SHC3: variants seen among roughly 807,000 people sequenced by gnomAD.
SHC3 encodes SHC adaptor protein 3.
SHC3 carries 15 observed loss-of-function variants against 60.4 expected under a neutral mutation model. The observed-to-expected ratio is 0.25, with a 90% CI of 0.17 to 0.38. SHC3 has a LOEUF of 0.38. Ranked by LOEUF, SHC3 falls within the 10% of genes least tolerant of loss-of-function variation. The probability of loss-of-function intolerance (pLI) is 1.00; values close to 1 mark genes in which losing one functional copy is unlikely to be tolerated. For synonymous variants in SHC3, 294 were observed against 325.9 expected (o/e 0.90, Z 1.05); for missense variants, 677 against 786.1 (o/e 0.86, Z 1.66).
chr9:89,065,149 G>C (rs1201915025), intron 6 of SHC3, among the ~76,000 whole-genome samples: 1 of 152,196 alleles, frequency 6.6e-6, no homozygotes, highest in Non-Finnish European at 1.5e-5. Flanking sequence ...TGGCAGGGCA[G>C]AGTGAAGTAG....
In SHC3 at chr9:89,006,910, T is replaced by C. The variant is rs1018400141; in HGVS notation, c.*6537A>G. 6.6e-6 allele frequency: 1 copy of C among 152,244 alleles called. No homozygotes were observed. The highest frequency in any genetic ancestry group is 2.4e-5 in the African/African-American group (1 of 41,466). 9.4% of individuals were successfully genotyped at this position (152,244 alleles called of 1,614,324 possible). On this transcript the variant is annotated 3_prime_UTR_variant, in exon 12 of 12. Transcript: ENST00000375835. ...TTTTGATGGTTAGAAACTTTGGTTA[T>C]GGTAAAAATGATCACATGAGTGGGA...
At chr9:89,170,235 G>T (rs1826849977) in intron 1 of SHC3, among the ~76,000 whole-genome samples, 1 of 152,246 alleles carries the variant, frequency 6.6e-6, no homozygotes, top group East Asian at 1.9e-4. Context: ...AATGTGCCTG[G>T]CATGGGCCAA....
At chr9:89,117,772 T>C (rs1318209001) in intron 1 of SHC3, among the ~76,000 whole-genome samples, 1 of 152,158 alleles carries the variant, frequency 6.6e-6, no homozygotes, top group East Asian at 1.9e-4. Flanking sequence ...TGCATTCATT[T>C]ATTTGTTTTA....
chr9:89,175,542 C>T (rs1019562128), intron 1 of SHC3, among the ~76,000 whole-genome samples: 1 of 152,186 alleles, frequency 6.6e-6, no homozygotes, highest in Non-Finnish European at 1.5e-5. Flanking sequence ...TTCATATGTG[C>T]AATATCCTAA....
chr9:89,171,102 T>G (rs35070559), intron 1 of SHC3, among the ~76,000 whole-genome samples: 1 of 152,174 alleles, frequency 6.6e-6, no homozygotes, highest in African/African-American at 2.4e-5. Context: ...TTTCATCATT[T>G]TATCTTAAGA....
At chr9:89,069,870 C>T (rs1448502405) in intron 5 of SHC3, among the ~76,000 whole-genome samples, 2 of 152,248 alleles carry the variant, frequency 1.3e-5, no homozygotes, top group Non-Finnish European at 2.9e-5. Flanking sequence ...TTTGACATTG[C>T]TCCTTCAATT....
chr9:89,127,039 C>G lies in SHC3; in HGVS notation c.475-14413G>C, dbSNP rs148949085. ...TGTCTTAAGCAGTTAAAAGCCTTTGCAAGCTCAAAATTCACCACTTTAGAC... is the reference window on the plus strand; with the variant it reads ...TGTCTTAAGCAGTTAAAAGCCTTTGGAAGCTCAAAATTCACCACTTTAGAC... On this transcript the variant is annotated intron_variant, in intron 1 of 11. Transcript: ENST00000375835. 4.1e-3 allele frequency among the ~76,000 whole-genome samples: 621 copies of G among 152,300 alleles called. 1 individual carries two copies. Among genetic ancestry groups the G allele is most frequent in the African/African-American group, 0.014 (579 of 41,576 alleles).
At chr9:89,071,653 C>T (rs1225684990) in intron 4 of SHC3, among the ~76,000 whole-genome samples, 7 of 152,204 alleles carry the variant, frequency 4.6e-5, no homozygotes. Flanking sequence ...AAGACTCCAT[C>T]TTACATTTCA....
intron 1 of SHC3, among the ~76,000 whole-genome samples, chr9:89,167,454 C>T (rs1467266855): frequency 6.6e-6 from 1 of 152,142 alleles, no homozygotes; most frequent in East Asian, 1.9e-4. Context: ...TACCATGATC[C>T]CATCAGTCAT....
At chr9:89,078,189 T>C (rs1331603277) in intron 2 of SHC3, among the ~76,000 whole-genome samples, 1 of 151,984 alleles carries the variant, frequency 6.6e-6, no homozygotes. Context: ...TTTTTTTTTT[T>C]ACATTTTGCT....
At chr9:89,088,695 G>A (rs1043961289) in intron 2 of SHC3, 1 of 152,398 alleles carries the variant, frequency 6.6e-6, no homozygotes, top group Non-Finnish European at 1.5e-5. Context: ...GAGGAACAAC[G>A]AGCTGTGGGG....
intron 4 of SHC3, among the ~76,000 whole-genome samples, chr9:89,072,938 C>T (rs1167809699): frequency 3.9e-5 from 6 of 152,178 alleles, no homozygotes; most frequent in Non-Finnish European, 8.8e-5. Context: ...TTGGCACTTA[C>T]AACACCTCAG....
At chr9:89,024,352 A>G (rs1826252845) in intron 11 of SHC3, among the ~76,000 whole-genome samples, 1 of 152,172 alleles carries the variant, frequency 6.6e-6, no homozygotes, top group East Asian at 1.9e-4. Flanking sequence ...ATCATAGTTC[A>G]CTACAGCCTC....
intron 6 of SHC3, among the ~76,000 whole-genome samples, chr9:89,061,353 G>A (rs1195767355): frequency 6.6e-6 from 1 of 152,116 alleles, no homozygotes; most frequent in African/African-American, 2.4e-5. Flanking sequence ...TCACCTCTTG[G>A]GGCCTACAGC....
intron 2 of SHC3, among the ~76,000 whole-genome samples, chr9:89,094,367 T>C (rs2118060401): frequency 6.6e-6 from 1 of 152,206 alleles, no homozygotes. Context: ...AATGTGAGCA[T>C]CAGCCACTGG....
intron 1 of SHC3, among the ~76,000 whole-genome samples, chr9:89,117,942 T>C (rs1208334844): frequency 6.6e-6 from 1 of 152,188 alleles, no homozygotes; most frequent in Non-Finnish European, 1.5e-5. Flanking sequence ...AGGTGCCAAC[T>C]TGACAGTATA....
At chr9:89,052,920 C>T (rs1479487268) in intron 6 of SHC3, among the ~76,000 whole-genome samples, 1 of 152,204 alleles carries the variant, frequency 6.6e-6, no homozygotes, top group African/African-American at 2.4e-5. Flanking sequence ...CAGGCACCAG[C>T]TGTTACACAA....
chr9:89,102,637 A>C (rs1381716388), intron 2 of SHC3, among the ~76,000 whole-genome samples: 1 of 152,248 alleles, frequency 6.6e-6, no homozygotes. Context: ...GTTTAACAGC[A>C]GATGATACAG....
chr9:89,065,776 T>C (rs1825169191), intron 5 of SHC3, among the ~76,000 whole-genome samples, 196 bp from the exon 6 acceptor site: 1 of 152,102 alleles, frequency 6.6e-6, no homozygotes, highest in Non-Finnish European at 1.5e-5. Context: ...AGGTCTCACA[T>C]TGCAGACTTT....
Sources: gnomAD v4.1 joint callset for allele counts (sites outside exome capture counted in the v4.1 genomes callset) on GRCh38, gnomAD v4.1.1 for gene constraint, MANE v1.5 for transcripts, NCBI Gene and HGNC (gene_info 2026-07-23, HGNC 2026-07-21) for gene names.